Variants in PALS1 observed in about 807,000 individuals in gnomAD.
The protein encoded by PALS1 is protein PALS1.
PALS1 carries 31 observed loss-of-function variants against 78.9 expected under a neutral mutation model. The ratio of observed to expected loss-of-function variants is 0.39; its 90% CI spans 0.30 to 0.53. PALS1 has a LOEUF of 0.53. PALS1 is among the 20% of genes least tolerant of loss of function. The pLI is 0.67. For synonymous variants in PALS1, 276 were observed against 270.9 expected, an observed-to-expected ratio of 1.02 and a Z score of -0.18; for missense variants, 704 against 826.5, an observed-to-expected ratio of 0.85 and a Z score of 1.82.
chr14:67,317,388 T>C lies in PALS1; in HGVS notation c.1298-20T>C, dbSNP rs2085192934. 3 of 1,591,534 alleles carry C rather than the reference T, an allele frequency of 1.9e-6. No individual in the cohort carries two copies. The highest frequency in any genetic ancestry group is 2.6e-6 in the Non-Finnish European group (3 of 1,165,618). ...GTTCACGGGAACACATTTATAGTTA[T>C]GTTTATGATTGCTCAACAGGAAAAC... On this transcript the variant is annotated intron_variant, in intron 10 of 14. Transcript: ENST00000261681.
intron 3 of PALS1, among the ~76,000 whole-genome samples, chr14:67,284,967 T>TC (rs1325702475): frequency 6.6e-6 from 1 of 151,990 alleles, no homozygotes; most frequent in Non-Finnish European, 1.5e-5. Flanking sequence ...CCCAGGCTGG[T>TC]CTTGACCTCC....
At chr14:67,287,938 G>A (rs1409459618) in intron 3 of PALS1, among the ~76,000 whole-genome samples, 1 of 152,168 alleles carries the variant, frequency 6.6e-6, no homozygotes, top group Non-Finnish European at 1.5e-5. Context: ...GCCTTAAAAA[G>A]TTTAAATTCC....
intron 2 of PALS1, among the ~76,000 whole-genome samples, chr14:67,276,273 G>A (rs2084503326): frequency 6.6e-6 from 1 of 152,086 alleles, no homozygotes; most frequent in Non-Finnish European, 1.5e-5. Flanking sequence ...TGTACAGCAT[G>A]TTCCCATTGT....
Position 67,301,479 on chromosome 14 carries a change from C to A in PALS1, c.654+13C>A, listed in dbSNP as rs1014854801. The A allele has an allele frequency of 5.7e-6, 9 of 1,586,178 alleles. No individual in the cohort carries two copies. The highest frequency in any genetic ancestry group is 1.3e-5 in the African/African-American group (1 of 74,334). ...TCCACATATTCAGGTAGAAAATGGA[C>A]AGAATACTATATATGTGGTTTTTCC... is the stretch of plus-strand genomic sequence containing the variant. On this transcript the variant is annotated intron_variant, in intron 5 of 14. Coordinates refer to ENST00000261681, the MANE Select transcript of PALS1 (RefSeq NM_022474.4).
intron 8 of PALS1, among the ~76,000 whole-genome samples, chr14:67,306,082 G>T (rs1043994528): frequency 6.6e-6 from 1 of 152,108 alleles, no homozygotes; most frequent in African/African-American, 2.4e-5. Flanking sequence ...CAGTTCTCCT[G>T]CTTCAGCCTC....
In PALS1 at chr14:67,279,222, G is replaced by A. The variant is rs1471088723; in HGVS notation, c.52G>A (p.Val18Ile). 6.2e-7 allele frequency: 1 copy of A among 1,612,436 alleles called. No individual in the cohort carries two copies. The highest frequency in any genetic ancestry group is 2.2e-5 in the East Asian group (1 of 44,866). Residue 18 changes from valine to isoleucine, a missense_variant, in exon 3 of 15, where the codon GTA becomes ATA. Transcript: ENST00000261681. ...TGTTACAGAGGAATCAGACAGCGAAGTAAAAAATGTTGATCTTGCATCACC... is the reference window on the plus strand; with the variant it reads ...TGTTACAGAGGAATCAGACAGCGAAATAAAAAATGTTGATCTTGCATCACC... ...GHVTEESDSE[V>I]KNVDLASPEE...
chr14:67,313,661 CATTT>C (rs1357750063), intron 9 of PALS1, among the ~76,000 whole-genome samples: 2 of 152,080 alleles, frequency 1.3e-5, no homozygotes, highest in Non-Finnish European at 2.9e-5. Context: ...ATAATTCATC[CATTT>C]ATTTGTTAAT....
chr14:67,313,377 T>G (rs2140953272), intron 9 of PALS1, among the ~76,000 whole-genome samples: 1 of 152,324 alleles, frequency 6.6e-6, no homozygotes, highest in South Asian at 2.1e-4. Flanking sequence ...TACACAAACC[T>G]AGATGATATA....
rs908551419 is a variant in PALS1 at position 67,312,601 on chromosome 14, T to G, written c.1116T>G (p.Ser372=). ...PYVPCRELGL[S]FQKGDILHVI... ...TTCCATGTCGAGAGTTAGGTCTGTC[T>G]TTTCAAAAAGGTGATATACTTCATG... Residue 372 remains serine (S), a synonymous_variant, in exon 9 of 15, where the codon TCT becomes TCG. Transcript: ENST00000261681. 6.2e-7 allele frequency: 1 copy of G among 1,613,878 alleles called. No individual in the cohort carries two copies. Among genetic ancestry groups the G allele is most frequent in the Non-Finnish European group, 8.5e-7 (1 of 1,179,862 alleles).
intron 9 of PALS1, among the ~76,000 whole-genome samples, chr14:67,315,534 T>C (rs1007451889): frequency 2.0e-4 from 30 of 152,244 alleles, no homozygotes; most frequent in African/African-American, 6.5e-4. Context: ...CCTTGGCCTC[T>C]CAAAGTGTTG....
intron 9 of PALS1, among the ~76,000 whole-genome samples, chr14:67,313,487 C>T (rs772437557): frequency 1.3e-5 from 2 of 152,096 alleles, no homozygotes; most frequent in African/African-American, 2.4e-5. Context: ...CAGTGCATGA[C>T]TGTATGTAGA....
At chr14:67,273,265 C>A (rs1171302659) in intron 2 of PALS1, among the ~76,000 whole-genome samples, 1 of 151,832 alleles carries the variant, frequency 6.6e-6, no homozygotes, top group Non-Finnish European at 1.5e-5. Flanking sequence ...ATCGCTCCCC[C>A]CTCCCACCTC....
At chr14:67,263,464 A>C (rs1287126813) in intron 1 of PALS1, among the ~76,000 whole-genome samples, 3 of 152,256 alleles carry the variant, frequency 2.0e-5, no homozygotes, top group Non-Finnish European at 4.4e-5. Flanking sequence ...TTAAAAGAGA[A>C]TCTCTATGAA....
chr14:67,244,232 G>C (rs938753353), intron 1 of PALS1, among the ~76,000 whole-genome samples: 2 of 152,180 alleles, frequency 1.3e-5, no homozygotes, highest in African/African-American at 4.8e-5. Flanking sequence ...TTGAGCGCAT[G>C]TGTGGACGCT....
chr14:67,310,007 C>CA (rs1304612819), intron 8 of PALS1, among the ~76,000 whole-genome samples: 1 of 146,060 alleles, frequency 6.8e-6, no homozygotes, highest in Non-Finnish European at 1.5e-5. Context: ...TTTTTTTTGG[C>CA]AAAAAAGTAA....
Position 67,323,807 on chromosome 14 carries a change from C to A in PALS1, c.1846C>A (p.Pro616Thr). 1 of 1,544,532 alleles carries A rather than the reference C, an allele frequency of 6.5e-7. No individual in the cohort carries two copies. The highest frequency in any genetic ancestry group is 8.9e-7 in the Non-Finnish European group (1 of 1,129,456). ...RALLAKEGKN[P>T]KPEELREIIE... The stretch of plus-strand genomic sequence containing the variant: ...ATTATTGGCCAAAGAAGGCAAGAAT[C>A]CAAAGGTAAAGTTTTCACACTATTG... Residue 616 changes from proline (P) to threonine (T), a missense_variant, in exon 14 of 15, where the codon CCA becomes ACA. Transcript: ENST00000261681.
chr14:67,306,557 CAG>C (rs1207082049), intron 8 of PALS1, among the ~76,000 whole-genome samples: 2 of 147,814 alleles, frequency 1.4e-5, no homozygotes, highest in East Asian at 2.1e-4. Flanking sequence ...TTAGTAGAGA[CAG>C]AGTTTCACCA....
chr14:67,302,620 T>C, intron 7 of PALS1, 49 bp downstream of exon 7: 1 of 1,292,824 alleles, frequency 7.7e-7, no homozygotes, highest in Non-Finnish European at 1.0e-6. Flanking sequence ...AGAAAGCTCT[T>C]ATTAGACTTT....
chr14:67,312,479 C>T, intron 8 of PALS1, 48 bp from the exon 9 acceptor site: 1 of 1,334,946 alleles, frequency 7.5e-7, no homozygotes, highest in Non-Finnish European at 1.0e-6. Flanking sequence ...TCATATGAAA[C>T]ATTTTATATT....
Sources: gnomAD v4.1 joint callset for allele counts (sites outside exome capture counted in the v4.1 genomes callset) on GRCh38, gnomAD v4.1.1 for gene constraint, MANE v1.5 for transcripts, NCBI Gene and HGNC (gene_info 2026-07-23, HGNC 2026-07-21) for gene names.